ST3GAL5: variants seen among roughly 807,000 people sequenced by gnomAD.
ST3GAL5 encodes ST3 beta-galactoside alpha-2,3-sialyltransferase 5.
A neutral mutation model predicts 46.1 loss-of-function variants in ST3GAL5; 25 were observed. The observed-to-expected ratio is 0.54, with a 90% CI of 0.40 to 0.76. The LOEUF is 0.76. ST3GAL5 is among the 30% of genes least tolerant of loss of function. The pLI, the probability that ST3GAL5 is intolerant of heterozygous loss-of-function variation, is 0.00. For synonymous variants in ST3GAL5, 182 were observed against 192.7 expected, an observed-to-expected ratio of 0.94 and a Z score of 0.46; for missense variants, 431 against 521.2, an observed-to-expected ratio of 0.83 and a Z score of 1.69.
chr2:85,841,256 A>T (rs1263583819), intron 6 of ST3GAL5, among the ~76,000 whole-genome samples: 2 of 151,938 alleles, frequency 1.3e-5, no homozygotes, highest in Non-Finnish European at 2.9e-5. Context: ...TTGCTGGCAA[A>T]TAGCACTTCC....
intron 1 of ST3GAL5, among the ~76,000 whole-genome samples, chr2:85,882,447 A>G (rs1324259900): frequency 6.6e-6 from 1 of 152,228 alleles, no homozygotes; most frequent in African/African-American, 2.4e-5. Context: ...GCAAAGCCAC[A>G]GGGGCAGAGC....
chr2:85,864,062 T>A (rs1033917210), intron 1 of ST3GAL5, among the ~76,000 whole-genome samples: 1 of 151,884 alleles, frequency 6.6e-6, no homozygotes, highest in Non-Finnish European at 1.5e-5. Flanking sequence ...GACTAGTGAG[T>A]GTCAGGGGTT....
intron 3 of ST3GAL5, chr2:85,851,441 G>C: frequency 8.1e-7 from 1 of 1,227,760 alleles, no homozygotes; most frequent in Non-Finnish European, 1.0e-6. Context: ...TCTGTAGAGA[G>C]CTCACACAGA....
At chr2:85,879,943 G>A (rs1686970324) in intron 1 of ST3GAL5, among the ~76,000 whole-genome samples, 1 of 152,100 alleles carries the variant, frequency 6.6e-6, no homozygotes, top group Non-Finnish European at 1.5e-5. Flanking sequence ...TTAAGGTTTT[G>A]GACTATAAAA....
At chr2:85,842,808 C>A (rs1471314551) in intron 6 of ST3GAL5, among the ~76,000 whole-genome samples, 2 of 150,458 alleles carry the variant, frequency 1.3e-5, no homozygotes, top group Admixed American at 6.6e-5. Context: ...GTTGCCCAGG[C>A]TGGAGTGCAA....
In ST3GAL5 at chr2:85,888,806, G is replaced by C. The variant is rs1175056982; in HGVS notation, c.82+18C>G. On this transcript the variant is annotated intron_variant, in intron 1 of 6. Coordinates refer to ENST00000638572, the MANE Select transcript of ST3GAL5 (RefSeq NM_003896.4). The stretch of plus-strand genomic sequence containing the variant: ...CCGCGGGCCCCCGCGACGCCGAGGA[G>C]GGGGCTGCGCCACGTACCTCGGCCG... 6 of 1,206,586 alleles carry C rather than the reference G, an allele frequency of 5.0e-6. No individual in the cohort carries two copies. Among genetic ancestry groups the C allele is most frequent in the East Asian group, 3.6e-5 (1 of 27,910 alleles). The allele number at this position is 1,206,586 out of a possible 1,614,324, so 74.7% of individuals were successfully genotyped here.
intron 3 of ST3GAL5, chr2:85,856,596 G>A (rs539223353): frequency 1.3e-5 from 2 of 151,212 alleles, no homozygotes; most frequent in East Asian, 3.9e-4. Context: ...TCAGTGTCTT[G>A]TTCTGTTCTG....
chr2:85,869,191 AG>A (rs1685628478), intron 1 of ST3GAL5, among the ~76,000 whole-genome samples: 1 of 152,066 alleles, frequency 6.6e-6, no homozygotes. Context: ...CTGGAACTAT[AG>A]GCATGTGCCA....
At position 85,863,241 on chromosome 2, in the gene ST3GAL5, C is replaced by T; in HGVS notation, c.206+121G>A. 3 of 1,565,570 alleles carry T rather than the reference C, an allele frequency of 1.9e-6. No homozygotes were observed. In the Admixed American group the frequency reaches 5.1e-5, roughly 26 times the overall value. Reference sequence around the variant, plus strand: ...ACGTGCCTTTGAATGTCTGAGGCATCCTTTGACCAAGCATGCCTCTCCAAC... The same window carrying T: ...ACGTGCCTTTGAATGTCTGAGGCATTCTTTGACCAAGCATGCCTCTCCAAC... On this transcript the variant is annotated intron_variant, in intron 2 of 6. Transcript: ENST00000638572.
At chr2:85,848,336 T>C (rs1169988297) in intron 3 of ST3GAL5, 132 bp from the exon 4 acceptor site, 1 of 1,591,194 alleles carries the variant, frequency 6.3e-7, no homozygotes, top group East Asian at 2.3e-5. Flanking sequence ...ACACAGAATA[T>C]TTGCTTTTTA....
At chr2:85,862,510 T>C (rs1343949129) in intron 2 of ST3GAL5, among the ~76,000 whole-genome samples, 1 of 147,896 alleles carries the variant, frequency 6.8e-6, no homozygotes, top group Non-Finnish European at 1.5e-5. Flanking sequence ...AAAAAAAAAA[T>C]AAAAGAAAAG....
At position 85,885,803 on chromosome 2, in the gene ST3GAL5, C is replaced by T. The variant is rs112215621; in HGVS notation, c.82+3021G>A. Among the ~76,000 whole-genome samples the T allele has an allele frequency of 5.2e-3, 763 of 146,828 alleles. 9 individuals are homozygous for T. The highest frequency in any genetic ancestry group is 0.018 in the African/African-American group (708 of 39,470). The stretch of plus-strand genomic sequence containing the variant: ...TCGTGCCACTGCACTCCAGCCTGGG[C>T]GACGGCGAGACTCTGTCTCAAAAAA... On this transcript the variant is annotated intron_variant, in intron 1 of 6. Transcript: ENST00000638572.
intron 2 of ST3GAL5, 133 bp downstream of exon 2, chr2:85,863,229 T>A: frequency 6.5e-7 from 1 of 1,535,452 alleles, no homozygotes; most frequent in South Asian, 1.2e-5. Context: ...TGCCTTTGAA[T>A]GTCTGAGGCA....
At chr2:85,865,661 G>A (rs370527326) in intron 1 of ST3GAL5, among the ~76,000 whole-genome samples, 53 of 152,304 alleles carry the variant, frequency 3.5e-4, no homozygotes, top group African/African-American at 1.3e-3. Flanking sequence ...GGAAACTTCT[G>A]AGATGACTGG....
At chr2:85,870,284 G>C (rs1016506733) in intron 1 of ST3GAL5, 6 of 466,376 alleles carry the variant, frequency 1.3e-5, no homozygotes, top group Non-Finnish European at 2.2e-5. Flanking sequence ...GCATATAAAG[G>C]GCATCCATAT....
chr2:85,858,374 A>G (rs971667523), intron 3 of ST3GAL5: 1 of 152,498 alleles, frequency 6.6e-6, no homozygotes, highest in Non-Finnish European at 1.5e-5. Flanking sequence ...GCAATGGCAC[A>G]GTCTTGGCTC....
intron 1 of ST3GAL5, among the ~76,000 whole-genome samples, chr2:85,880,429 C>T (rs899483995): frequency 5.9e-5 from 9 of 152,220 alleles, no homozygotes; most frequent in Non-Finnish European, 1.2e-4. Flanking sequence ...GGCTCCCCAA[C>T]AGACATAACA....
intron 1 of ST3GAL5, among the ~76,000 whole-genome samples, chr2:85,875,723 T>C (rs1010503423): frequency 1.3e-5 from 2 of 151,216 alleles, no homozygotes; most frequent in African/African-American, 4.9e-5. Flanking sequence ...AGAGTGGAGG[T>C]TGAGAGACAG....
intron 4 of ST3GAL5, chr2:85,846,898 G>C (rs1268751607): frequency 4.4e-6 from 1 of 229,808 alleles, no homozygotes; most frequent in Non-Finnish European, 8.6e-6. Context: ...TCAGATGTTA[G>C]TTCTTGCCAG....
Sources: allele counts gnomAD v4.1 joint callset (sites outside exome capture counted in the v4.1 genomes callset), GRCh38; gene constraint gnomAD v4.1.1; transcripts MANE v1.5; gene names NCBI Gene and HGNC (gene_info 2026-07-23, HGNC 2026-07-21).